The following RAB27A variants were observed in gnomAD, a reference collection of about 807,000 sequenced individuals.
RAB27A encodes RAB27A, member RAS oncogene family.
In RAB27A, 17 loss-of-function variants were observed where a neutral mutation model predicts 20.8. The observed-to-expected ratio is 0.82, with a 90% CI of 0.56 to 1.23. RAB27A has a LOEUF of 1.23. RAB27A is among the 50% of genes most tolerant of loss of function. The pLI, the probability that RAB27A is intolerant of heterozygous loss-of-function variation, is 0.00. For missense variants in RAB27A, 277 were observed against 266.7 expected (o/e 1.04, Z -0.27); for synonymous variants, 85 against 92.8 (o/e 0.92, Z 0.48).
At chr15:55,257,515 G>C (rs1421509366) in intron 2 of RAB27A, among the ~76,000 whole-genome samples, 1 of 152,220 alleles carries the variant, frequency 6.6e-6, no homozygotes, top group African/African-American at 2.4e-5. Flanking sequence ...TCAGTTTCCA[G>C]ATACTATCTC....
intron 2 of RAB27A, among the ~76,000 whole-genome samples, chr15:55,243,904 T>G (rs1896588904): frequency 6.6e-6 from 1 of 152,212 alleles, no homozygotes; most frequent in Non-Finnish European, 1.5e-5. Flanking sequence ...CTGAACATTT[T>G]AAGCTTCTCT....
intron 2 of RAB27A, among the ~76,000 whole-genome samples, chr15:55,252,420 G>C (rs1025175846): frequency 6.6e-6 from 1 of 152,018 alleles, no homozygotes; most frequent in East Asian, 1.9e-4. Flanking sequence ...GGCCAACATG[G>C]GGAAACCCCA....
intron 2 of RAB27A, among the ~76,000 whole-genome samples, chr15:55,249,958 T>C (rs1296641288): frequency 3.3e-5 from 5 of 151,948 alleles, no homozygotes; most frequent in Admixed American, 2.6e-4. Context: ...TTTTTTTTTC[T>C]ATGTTTGTTT....
chr15:55,311,643 A>G (rs1296153927), intron 2 of RAB27A, among the ~76,000 whole-genome samples: 1 of 152,192 alleles, frequency 6.6e-6, no homozygotes, highest in Non-Finnish European at 1.5e-5. Flanking sequence ...CTTTTCTACA[A>G]AAGAGGTGTA....
At chr15:55,205,821 T>C in intron 6 of RAB27A, 116 bp from the exon 7 acceptor site, 1 of 951,502 alleles carries the variant, frequency 1.1e-6, no homozygotes, top group African/African-American at 1.6e-5. Context: ...ATGACAAACA[T>C]TTTACCACCC....
intron 2 of RAB27A, among the ~76,000 whole-genome samples, chr15:55,311,690 G>C (rs2055021238): frequency 6.6e-6 from 1 of 152,160 alleles, no homozygotes; most frequent in Non-Finnish European, 1.5e-5. Context: ...CTTCCCTCAG[G>C]AGGCCAGGTT....
intron 2 of RAB27A, among the ~76,000 whole-genome samples, chr15:55,246,983 C>T (rs1896711737): frequency 7.2e-6 from 1 of 139,402 alleles, no homozygotes; most frequent in African/African-American, 3.4e-5. Context: ...CAGCAAAATG[C>T]CTGATGAAGA....
At chr15:55,249,629 C>T (rs1243628635) in intron 2 of RAB27A, among the ~76,000 whole-genome samples, 2 of 152,140 alleles carry the variant, frequency 1.3e-5, no homozygotes, top group Admixed American at 6.6e-5. Flanking sequence ...ACAATCTGTA[C>T]ACCCTGTTAG....
chr15:55,245,304 G>A (rs144771559), intron 2 of RAB27A, among the ~76,000 whole-genome samples: 2 of 152,102 alleles, frequency 1.3e-5, no homozygotes, highest in African/African-American at 2.4e-5. Flanking sequence ...ATATGGTTGC[G>A]CCCTCCCTAA....
chr15:55,287,613 G>A (rs1566937020), intron 1 of RAB27A, among the ~76,000 whole-genome samples: 1 of 152,048 alleles, frequency 6.6e-6, no homozygotes, highest in Non-Finnish European at 1.5e-5. Flanking sequence ...CAGGCATGGT[G>A]GCACATGCCC....
chr15:55,222,041 T>C (rs934376228), intron 6 of RAB27A, among the ~76,000 whole-genome samples: 6 of 152,202 alleles, frequency 3.9e-5, no homozygotes, highest in Admixed American at 6.5e-5. Context: ...AGAGACTACT[T>C]ACCCAGCTCC....
intron 1 of RAB27A, among the ~76,000 whole-genome samples, chr15:55,316,125 C>T (rs544890184): frequency 2.1e-4 from 32 of 151,014 alleles, no homozygotes; most frequent in South Asian, 4.2e-4. Context: ...CCAGCTACTA[C>T]GTAGGCTGAG....
intron 6 of RAB27A, among the ~76,000 whole-genome samples, chr15:55,221,409 T>G (rs117815193): frequency 6.6e-6 from 1 of 152,296 alleles, no homozygotes; most frequent in East Asian, 1.9e-4. Flanking sequence ...CACTACAGCA[T>G]TCTCTGTGGT....
intron 2 of RAB27A, among the ~76,000 whole-genome samples, chr15:55,302,529 C>T (rs544276080): frequency 6.6e-5 from 10 of 151,702 alleles, no homozygotes; most frequent in African/African-American, 2.4e-4. Flanking sequence ...CTCTGCCTGG[C>T]CGCCCATCGT....
chr15:55,231,456 T>G (rs535371652), intron 3 of RAB27A, among the ~76,000 whole-genome samples: 1 of 152,198 alleles, frequency 6.6e-6, no homozygotes, highest in Admixed American at 6.5e-5. Flanking sequence ...CAAATCAACT[T>G]TTTCAGTACT....
At chr15:55,274,027 G>A (rs375488225) in intron 1 of RAB27A, among the ~76,000 whole-genome samples, 36 of 152,218 alleles carry the variant, frequency 2.4e-4, no homozygotes, top group African/African-American at 8.7e-4. Context: ...AATTTAAGAC[G>A]ATCGAAATCA....
chr15:55,263,709 C>T (rs1187365733), intron 2 of RAB27A, among the ~76,000 whole-genome samples: 1 of 152,168 alleles, frequency 6.6e-6, no homozygotes, highest in Admixed American at 6.5e-5. Context: ...AGAAGCCGAA[C>T]CCAAATTTCT....
intron 2 of RAB27A, among the ~76,000 whole-genome samples, chr15:55,303,628 CCCGGCCAGCCGCCCCGT>C (rs2054984368): frequency 9.4e-6 from 1 of 106,142 alleles, no homozygotes; most frequent in African/African-American, 3.7e-5. Flanking sequence ...CGGCCCCCCG[CCCGGCCAGCCGCCCCGT>C]CCGGGAGGGA....
chr15:55,304,323 T>C (rs1277204365), intron 2 of RAB27A, among the ~76,000 whole-genome samples: 5 of 151,522 alleles, frequency 3.3e-5, no homozygotes, highest in Non-Finnish European at 7.4e-5. Context: ...ACACAAACAC[T>C]GCGGAAGGCC....
Sources: allele counts gnomAD v4.1 joint callset (sites outside exome capture counted in the v4.1 genomes callset), GRCh38; gene constraint gnomAD v4.1.1; transcripts MANE v1.5; gene names NCBI Gene and HGNC (gene_info 2026-07-23, HGNC 2026-07-21).